VPS13B: variants seen among roughly 807,000 people sequenced by gnomAD.
The protein encoded by VPS13B is intermembrane lipid transfer protein VPS13B.
VPS13B carries 285 observed loss-of-function variants against 426.4 expected under a neutral mutation model. The observed-to-expected ratio is 0.67, with a 90% confidence interval of 0.61 to 0.74. The LOEUF is 0.74. Ranked by LOEUF, VPS13B falls within the 30% of genes least tolerant of loss-of-function variation. The pLI is 0.00. For synonymous variants in VPS13B, 1,676 were observed against 1,676.4 expected (o/e 1.00, Z 0.01); for missense variants, 4,537 against 4,782.6 (o/e 0.95, Z 1.51).
At chr8:99,869,465 A>G (rs1212687090) in intron 59 of VPS13B, among the ~76,000 whole-genome samples, 1 of 152,160 alleles carries the variant, frequency 6.6e-6, no homozygotes, top group Non-Finnish European at 1.5e-5. Flanking sequence ...AGCATCCTTA[A>G]GAGACCACAC....
Position 99,170,116 on chromosome 8 carries a change from T to C in VPS13B, c.2286T>C (p.Ser762=). 6.2e-7 allele frequency: 1 copy of C among 1,613,046 alleles called. No homozygotes were observed. The highest frequency in any genetic ancestry group is 1.3e-5 in the African/African-American group (1 of 75,014). Residue 762 remains serine, a synonymous_variant, in exon 16 of 62, where the codon TCT becomes TCC. Transcript: ENST00000357162. ...SYCLPVPVIP[S]FSTALYGKLL... is the part of the protein sequence containing the mutation. ...GCTTACCTGTACCAGTTATTCCCTC[T>C]TTCAGCACTGCTCTTTATGGGAAAC... is the stretch of plus-strand genomic sequence containing the variant.
chr8:99,801,371 A>G (rs746211956), intron 43 of VPS13B, among the ~76,000 whole-genome samples: 4 of 152,228 alleles, frequency 2.6e-5, no homozygotes, highest in African/African-American at 4.8e-5. Context: ...CTGTTGACAA[A>G]ACAAATGACC....
intron 35 of VPS13B, among the ~76,000 whole-genome samples, chr8:99,666,404 C>T (rs1244156030): frequency 6.6e-6 from 1 of 152,088 alleles, no homozygotes; most frequent in Non-Finnish European, 1.5e-5. Context: ...ATGCAAAAAT[C>T]CTCAATAAAA....
intron 25 of VPS13B, 125 bp downstream of exon 25, chr8:99,481,927 G>A (rs1484213562): frequency 1.1e-5 from 13 of 1,186,382 alleles, no homozygotes; most frequent in African/African-American, 1.5e-5. Context: ...AGGTTCAAGA[G>A]GAGCTGTGGC....
chr8:99,767,295 C>T (rs953694414), intron 40 of VPS13B, among the ~76,000 whole-genome samples: 1 of 151,776 alleles, frequency 6.6e-6, no homozygotes, highest in Non-Finnish European at 1.5e-5. Flanking sequence ...GGCATACAGT[C>T]ATACACACAC....
At chr8:99,572,768 T>G (rs1825548019) in intron 31 of VPS13B, among the ~76,000 whole-genome samples, 1 of 152,232 alleles carries the variant, frequency 6.6e-6, no homozygotes, top group Non-Finnish European at 1.5e-5. Flanking sequence ...AACATACGTG[T>G]GCATGTGTCT....
intron 39 of VPS13B, among the ~76,000 whole-genome samples, chr8:99,760,671 T>A (rs1810884759): frequency 6.6e-6 from 1 of 152,232 alleles, no homozygotes; most frequent in African/African-American, 2.4e-5. Context: ...GTGTTGTTTT[T>A]AGGTTTTATT....
chr8:99,296,849 C>A (rs1820068243), intron 19 of VPS13B, among the ~76,000 whole-genome samples: 1 of 152,138 alleles, frequency 6.6e-6, no homozygotes, highest in Admixed American at 6.6e-5. Context: ...AGATAGTAAA[C>A]CTGCAGGCAT....
chr8:99,444,759 G>A (rs751361367), intron 23 of VPS13B, among the ~76,000 whole-genome samples: 2 of 151,870 alleles, frequency 1.3e-5, no homozygotes, highest in Admixed American at 6.6e-5. Context: ...CGCCTTGACC[G>A]CCGGAGCTCA....
chr8:99,267,110 A>C (rs1818347947), intron 17 of VPS13B, among the ~76,000 whole-genome samples: 1 of 152,208 alleles, frequency 6.6e-6, no homozygotes, highest in African/African-American at 2.4e-5. Flanking sequence ...ACAGGACAGG[A>C]AGATCTGGGA....
rs1417347945 is a variant in VPS13B, at chr8:99,135,630, G to A, written c.1460G>A (p.Ser487Asn). ...TTCTTCATTTGTGGTGACAATTTGA[G>A]TACGAAAGGTTTCACATACCTTACA... ...ACFFICGDNL[S>N]TKGFTYLTNS... The change falls in exon 11 of 62, where the codon AGT becomes AAT. Residue 487 changes from serine (S) to asparagine (N), a missense_variant. By Grantham distance (46) the Ser-to-Asn change is conservative. Around this residue, in one of 2 missense-constraint regions of VPS13B, gnomAD observed 4,311 missense variants for 4,474.3 expected, o/e 0.96. Transcript: ENST00000357162. 1 of 1,613,344 alleles carries A rather than the reference G, an allele frequency of 6.2e-7. No individual in the cohort carries two copies. The highest frequency in any genetic ancestry group is 8.5e-7 in the Non-Finnish European group (1 of 1,179,508).
chr8:99,021,597 G>A (rs2132153224), intron 2 of VPS13B, among the ~76,000 whole-genome samples: 1 of 151,256 alleles, frequency 6.6e-6, no homozygotes, highest in Admixed American at 6.6e-5. Context: ...CTCCAGCCTG[G>A]GCAACAAAGC....
chr8:99,709,303 C>T (rs895505436), intron 36 of VPS13B, among the ~76,000 whole-genome samples: 1 of 152,116 alleles, frequency 6.6e-6, no homozygotes, highest in Non-Finnish European at 1.5e-5. Flanking sequence ...TTGCATTTTG[C>T]TTAGTCAGCA....
intron 15 of VPS13B, among the ~76,000 whole-genome samples, chr8:99,169,400 A>G (rs554762072): frequency 1.8e-4 from 28 of 152,164 alleles, no homozygotes; most frequent in African/African-American, 6.7e-4. Flanking sequence ...GGGATTGCTT[A>G]TAAAATTTTG....
rs1817413381 is a variant in VPS13B at position 99,871,500 on chromosome 8, G to T, written c.11548G>T (p.Val3850Phe). ...RPEVHMALDV[V>F]LVRGSGQEHE... The stretch of plus-strand genomic sequence containing the variant: ...AGAAGTCCACATGGCCCTGGACGTG[G>T]TTCTGGTGAGGGGCTCAGGCCAGGA... Residue 3850 changes from valine to phenylalanine, a missense_variant, in exon 61 of 62, where the codon GTT becomes TTT. Physicochemically the swap from Val to Phe is conservative, Grantham distance 50 (BLOSUM62 -1). Around this residue, in one of 2 missense-constraint regions of VPS13B, gnomAD observed 4,311 missense variants for 4,474.3 expected, o/e 0.96. Coordinates refer to ENST00000357162, the MANE Select transcript of VPS13B (RefSeq NM_152564.5). The T allele has an allele frequency of 1.2e-6, 2 of 1,614,242 alleles. No individual in the cohort carries two copies. Among genetic ancestry groups the T allele is most frequent in the Non-Finnish European group, 8.5e-7 (1 of 1,180,052 alleles).
rs577669949 is a variant in VPS13B, at chr8:99,782,824, T to C, written c.7780-1491T>C. Among the ~76,000 whole-genome samples the C allele has an allele frequency of 3.9e-5, 6 of 152,238 alleles. No homozygotes were observed. The East Asian group carries it at 1.2e-3, about 29-fold the overall frequency. ...CAAGTTTTGAAATCATTGCTACCAA[T>C]TAAAATCCATAGTAGAGAGTATTAT... On this transcript the variant is annotated intron_variant, in intron 42 of 61. Transcript: ENST00000357162.
chr8:99,118,587 C>T (rs529044576), intron 7 of VPS13B, among the ~76,000 whole-genome samples: 17 of 152,084 alleles, frequency 1.1e-4, no homozygotes, highest in Non-Finnish European at 2.5e-4. Context: ...TCTGAAGTTC[C>T]TTAAAACTGT....
At chr8:99,823,999 CT>C in intron 51 of VPS13B, 21 bp downstream of exon 51, 3 of 1,609,220 alleles carry the variant, frequency 1.9e-6, no homozygotes, top group Non-Finnish European at 2.5e-6. Flanking sequence ...CATAACGATT[CT>C]TTTGTCTAAG....
chr8:99,333,804 AC>A (rs1337139208), intron 19 of VPS13B, among the ~76,000 whole-genome samples: 1 of 151,790 alleles, frequency 6.6e-6, no homozygotes, highest in Non-Finnish European at 1.5e-5. Context: ...GGCTTTTTTC[AC>A]TCAGAATAAT....
Sources: gnomAD v4.1 joint callset for allele counts (sites outside exome capture counted in the v4.1 genomes callset) on GRCh38, gnomAD v4.1.1 for gene constraint, gnomAD v4.1.1 regional missense constraint, MANE v1.5 for transcripts, NCBI Gene and HGNC (gene_info 2026-07-23, HGNC 2026-07-21) for gene names.